Variants in AKR1C3 observed in about 807,000 individuals in gnomAD.
AKR1C3 encodes the protein 3-alpha hydroxysteroid dehydrogenase, type II.
A neutral mutation model predicts 43.6 loss-of-function variants in AKR1C3; 48 were observed. The observed-to-expected ratio is 1.10, with a 90% CI of 0.87 to 1.40. AKR1C3 has a LOEUF of 1.40. AKR1C3 is among the 40% of genes most tolerant of loss of function. The probability of loss-of-function intolerance (pLI) is 0.00; values close to 1 mark genes in which losing one functional copy is unlikely to be tolerated. For missense variants in AKR1C3, 482 were observed against 391.2 expected, an observed-to-expected ratio of 1.23 and a Z score of -1.96; for synonymous variants, 162 against 139.6, an observed-to-expected ratio of 1.16 and a Z score of -1.13.
chr10:5,066,639 A>G (rs1297927854), intron 1 of AKR1C3, among the ~76,000 whole-genome samples: 1 of 152,204 alleles, frequency 6.6e-6, no homozygotes, highest in Admixed American at 6.5e-5. Flanking sequence ...GAAGGTCCCC[A>G]TAAGCCAAAC....
At chr10:5,101,026 A>G (rs1443557922) in intron 5 of AKR1C3, among the ~76,000 whole-genome samples, 1 of 152,218 alleles carries the variant, frequency 6.6e-6, no homozygotes, top group African/African-American at 2.4e-5. Flanking sequence ...TCTTCCAGCT[A>G]CAGTATAATT....
In AKR1C3 at chr10:5,099,317, T is replaced by G; in HGVS notation, c.448-10T>G. ...GCACAAATAATTCCTCACAACCCCT[T>G]TCTCCACAGGCCATGGAGAAGTGTA... On this transcript the variant is annotated splice_polypyrimidine_tract_variant and intron_variant, in intron 4 of 8. Coordinates refer to ENST00000380554, the MANE Select transcript of AKR1C3 (RefSeq NM_003739.6). The G allele has an allele frequency of 6.2e-7, 1 of 1,614,136 alleles. No homozygotes were observed. Among genetic ancestry groups the G allele is most frequent in the Non-Finnish European group, 8.5e-7 (1 of 1,180,018 alleles).
chr10:5,051,901 C>T (rs940999670), intron 1 of AKR1C3, among the ~76,000 whole-genome samples: 2 of 152,124 alleles, frequency 1.3e-5, no homozygotes, highest in Admixed American at 6.5e-5. Context: ...ACTTTGGTCT[C>T]CATTATTGTA....
intron 5 of AKR1C3, among the ~76,000 whole-genome samples, chr10:5,100,800 A>T (rs1839330215): frequency 6.6e-6 from 1 of 152,214 alleles, no homozygotes; most frequent in Admixed American, 6.5e-5. Flanking sequence ...TCAAACTTTC[A>T]GAAAATTTGA....
At chr10:5,090,612 G>A (rs1168759694), upstream of AKR1C3, among the ~76,000 whole-genome samples, 4 of 152,126 alleles carry the variant, frequency 2.6e-5, no homozygotes, top group African/African-American at 7.2e-5. Flanking sequence ...GAGATAGAAG[G>A]AGAGGCTCCA....
At chr10:5,102,810 G>A (rs367571175) in intron 7 of AKR1C3, among the ~76,000 whole-genome samples, 160 bp downstream of exon 7, 5 of 152,162 alleles carry the variant, frequency 3.3e-5, no homozygotes, top group African/African-American at 7.2e-5. Flanking sequence ...ACTCTACCAC[G>A]GGAGAGGCAG....
chr10:5,093,489 T>A (rs1839139859), upstream of AKR1C3: 1 of 152,144 alleles, frequency 6.6e-6, no homozygotes, highest in Non-Finnish European at 1.5e-5. Flanking sequence ...ACATTCATCA[T>A]GTTCTAATCT....
intron 1 of AKR1C3, among the ~76,000 whole-genome samples, chr10:5,075,368 G>C (rs1838695529): frequency 6.6e-6 from 1 of 152,150 alleles, no homozygotes; most frequent in Non-Finnish European, 1.5e-5. Context: ...CCACCAGCAT[G>C]ATCGCTCTCC....
chr10:5,095,458 T>C (rs1405484651), intron 1 of AKR1C3, among the ~76,000 whole-genome samples: 1 of 149,932 alleles, frequency 6.7e-6, no homozygotes, highest in Non-Finnish European at 1.5e-5. Context: ...TTGGCACACT[T>C]AAAGACTGCT....
chr10:5,050,569 G>GT (rs1838133561), intron 1 of AKR1C3, among the ~76,000 whole-genome samples: 1 of 152,128 alleles, frequency 6.6e-6, no homozygotes, highest in African/African-American at 2.4e-5. Context: ...ATGGCACATT[G>GT]TAAGAACTCA....
At chr10:5,077,899 G>C (rs1330959880) in intron 1 of AKR1C3, 10 of 622,670 alleles carry the variant, frequency 1.6e-5, no homozygotes, top group Non-Finnish European at 2.8e-5. Context: ...TGAATCATCA[G>C]AATCATCTCT....
At chr10:5,106,955 G>A (rs924319500) in intron 8 of AKR1C3, among the ~76,000 whole-genome samples, 13 of 144,778 alleles carry the variant, frequency 9.0e-5, no homozygotes, top group Admixed American at 2.8e-4. Flanking sequence ...GAAGAGTAGC[G>A]AGCATGAGTA....
chr10:5,075,215 A>G (rs1838688703), intron 1 of AKR1C3, among the ~76,000 whole-genome samples: 3 of 151,836 alleles, frequency 2.0e-5, no homozygotes, highest in Admixed American at 6.6e-5. Flanking sequence ...TTTTTTATAA[A>G]CTTAGATGGT....
intron 2 of AKR1C3, 120 bp from the exon 3 acceptor site, chr10:5,097,314 G>A (rs1346946268): frequency 2.5e-6 from 3 of 1,193,708 alleles, no homozygotes; most frequent in Non-Finnish European, 3.6e-6. Flanking sequence ...AAGAGAATAT[G>A]TTTGCCAGTG....
chr10:5,052,078 T>A (rs955696456), intron 1 of AKR1C3, among the ~76,000 whole-genome samples: 27 of 152,094 alleles, frequency 1.8e-4, no homozygotes, highest in South Asian at 2.1e-4. Context: ...TGTCCAGAGT[T>A]TTTTCCTTCT....
rs201942799 is a variant in AKR1C3, at chr10:5,102,167, C to T, written c.637C>T (p.Leu213=). Residue 213 remains leucine (L), a synonymous_variant, in exon 6 of 9, where the codon CTG becomes TTG. Transcript: ENST00000380554. Reference sequence around the variant, plus strand: ...TTTCTGCAAGTCGAAAGATATTGTTCTGGTTGCCTATAGTGCTCTGGGATC... The same window carrying T: ...TTTCTGCAAGTCGAAAGATATTGTTTTGGTTGCCTATAGTGCTCTGGGATC... ...LDFCKSKDIV[L]VAYSALGSQR... The T allele has an allele frequency of 3.7e-6, 6 of 1,614,028 alleles. No homozygotes were observed. In the Admixed American group the frequency reaches 1.0e-4, roughly 27 times the overall value.
At chr10:5,059,125 G>A (rs1218357393) in intron 1 of AKR1C3, among the ~76,000 whole-genome samples, 1 of 152,156 alleles carries the variant, frequency 6.6e-6, no homozygotes, top group Non-Finnish European at 1.5e-5. Context: ...GTCTGAGGAG[G>A]GATCCTAAAA....
intron 1 of AKR1C3, among the ~76,000 whole-genome samples, chr10:5,084,850 G>T (rs1256968048): frequency 2.0e-5 from 3 of 152,106 alleles, no homozygotes; most frequent in Non-Finnish European, 2.9e-5. Flanking sequence ...TTATGAATAG[G>T]AGTTCATTCA....
chr10:5,053,132 G>T (rs180729285), intron 1 of AKR1C3, among the ~76,000 whole-genome samples: 1 of 152,240 alleles, frequency 6.6e-6, no homozygotes, highest in Non-Finnish European at 1.5e-5. Context: ...TGCCAGTCCC[G>T]TGCCATGCGC....
Sources: gnomAD v4.1 joint callset for allele counts (sites outside exome capture counted in the v4.1 genomes callset) on GRCh38, gnomAD v4.1.1 for gene constraint, MANE v1.5 for transcripts, NCBI Gene and HGNC (gene_info 2026-07-23, HGNC 2026-07-21) for gene names.